The following NSD1 variants were observed in gnomAD, a reference collection of about 807,000 sequenced individuals.
NSD1 encodes nuclear receptor binding SET domain protein 1.
A neutral mutation model predicts 242.7 loss-of-function variants in NSD1; 26 were observed. The ratio of observed to expected loss-of-function variants is 0.11; its 90% confidence interval spans 0.08 to 0.15. The LOEUF is 0.15. Among genes scored for constraint, NSD1 ranks in the 10% least tolerant of loss-of-function variants. The probability of loss-of-function intolerance (pLI) is 1.00; values close to 1 mark genes in which losing one functional copy is unlikely to be tolerated. For synonymous variants in NSD1, 1,106 were observed against 1,178.1 expected (o/e 0.94, Z 1.25); for missense variants, 2,495 against 3,272.8 (o/e 0.76, Z 5.80).
intron 13 of NSD1, 83 bp from the exon 14 acceptor site, chr5:177,259,906 C>A: frequency 6.7e-7 from 1 of 1,486,594 alleles, no homozygotes; most frequent in Non-Finnish European, 9.3e-7. Flanking sequence ...TCAGTGCTAA[C>A]AAATAGACTT....
In NSD1 at chr5:177,292,021, C is replaced by T; in HGVS notation, c.6326C>T (p.Thr2109Ile). Reference protein sequence around the residue: ...FKKKQQGKRRTQGEITKERED... With the variant: ...FKKKQQGKRRIQGEITKERED... ...AAGAAGCAACAGGGAAAGCGCAGGA[C>T]CCAGGGTGAAATCACAAAGGAGCGA... The change falls in exon 22 of 23, where the codon ACC becomes ATC. Residue 2109 changes from threonine (T) to isoleucine (I), a missense_variant. Physicochemically the swap from Thr to Ile is moderately conservative, Grantham distance 89 (BLOSUM62 -1). This residue lies in a region of NSD1 where 27 missense variants were observed against 33.4 expected (regional missense o/e 0.81). Coordinates refer to ENST00000439151, the MANE Select transcript of NSD1 (RefSeq NM_022455.5). 6.2e-7 allele frequency: 1 copy of T among 1,614,076 alleles called. No homozygotes were observed. Among genetic ancestry groups the T allele is most frequent in the Non-Finnish European group, 8.5e-7 (1 of 1,180,000 alleles).
intron 2 of NSD1, among the ~76,000 whole-genome samples, chr5:177,171,016 T>C (rs2149797883): frequency 6.7e-6 from 1 of 149,438 alleles, no homozygotes; most frequent in South Asian, 2.1e-4. Context: ...ATTTACCATG[T>C]TAAAAAAAAA....
chr5:177,174,398 A>G (rs949047738), intron 2 of NSD1, among the ~76,000 whole-genome samples: 3 of 152,048 alleles, frequency 2.0e-5, no homozygotes, highest in African/African-American at 7.2e-5. Flanking sequence ...GTTTTAGTAG[A>G]GACAGGGCTT....
At chr5:177,172,619 A>G (rs950106009) in intron 2 of NSD1, among the ~76,000 whole-genome samples, 1 of 152,208 alleles carries the variant, frequency 6.6e-6, no homozygotes, top group African/African-American at 2.4e-5. Flanking sequence ...CCAGTGAGCC[A>G]ACAATAGTTT....
intron 11 of NSD1, 44 bp from the exon 12 acceptor site, chr5:177,251,686 C>A (rs764602590): frequency 1.2e-6 from 2 of 1,609,578 alleles, no homozygotes; most frequent in Non-Finnish European, 1.7e-6. Context: ...ACTCTTGATT[C>A]TCAAACATGG....
intron 11 of NSD1, among the ~76,000 whole-genome samples, chr5:177,248,734 A>G (rs915374992): frequency 1.3e-5 from 2 of 152,152 alleles, no homozygotes; most frequent in Admixed American, 6.6e-5. Flanking sequence ...CCTACCACCT[A>G]TATTGTTTTA....
intron 5 of NSD1, among the ~76,000 whole-genome samples, chr5:177,216,711 G>A (rs549962153): frequency 1.4e-5 from 2 of 147,694 alleles, no homozygotes; most frequent in African/African-American, 5.0e-5. Flanking sequence ...AAATTGAGAC[G>A]GGGTCCAACC....
chr5:177,140,990 C>T (rs187201998), intron 2 of NSD1, among the ~76,000 whole-genome samples: 6 of 152,170 alleles, frequency 3.9e-5, no homozygotes, highest in Admixed American at 6.5e-5. Flanking sequence ...GCTCTCTCTC[C>T]GATTCCCTCC....
At chr5:177,232,931 A>C (rs1342559464) in intron 5 of NSD1, among the ~76,000 whole-genome samples, 1 of 152,208 alleles carries the variant, frequency 6.6e-6, no homozygotes. Flanking sequence ...ATGTATGATG[A>C]GACAGGCCCT....
intron 5 of NSD1, 79 bp downstream of exon 5, chr5:177,212,274 T>C: frequency 7.0e-7 from 1 of 1,426,246 alleles, no homozygotes; most frequent in Non-Finnish European, 9.6e-7. Context: ...AATTGGTCTG[T>C]TGTAATGGTA....
intron 3 of NSD1, among the ~76,000 whole-genome samples, chr5:177,196,064 A>G (rs988179741): frequency 6.6e-6 from 1 of 152,204 alleles, no homozygotes; most frequent in African/African-American, 2.4e-5. Context: ...GTGTTTGCTA[A>G]TAAAGTTATC....
intron 2 of NSD1, among the ~76,000 whole-genome samples, chr5:177,189,687 T>C (rs2149818131): frequency 6.6e-6 from 1 of 152,316 alleles, no homozygotes; most frequent in Middle Eastern, 3.4e-3. Context: ...GCCTTGCATG[T>C]AGCAAACATC....
In NSD1 at chr5:177,204,393, T is replaced by G. The variant is rs150135318; in HGVS notation, c.1236+101T>G. On this transcript the variant is annotated intron_variant, in intron 4 of 22. Transcript: ENST00000439151. The stretch of plus-strand genomic sequence containing the variant: ...TTTCGAGACAGAACTTTGCTCTGTT[T>G]CCCAGATTGGAGTACAGTGGTGCAA... 7.0e-4 allele frequency: 796 copies of G among 1,143,916 alleles called. 2 individuals carry two copies. In the African/African-American group the frequency reaches 0.011, roughly 15 times the overall value. 70.9% of individuals were successfully genotyped at this position (1,143,916 alleles called of 1,614,324 possible).
chr5:177,274,849 G>T (rs148929325), intron 17 of NSD1, among the ~76,000 whole-genome samples: 7,397 of 151,696 alleles, frequency 0.049, 198 homozygotes, highest in South Asian at 0.082. Flanking sequence ...GTCTTCTGCC[G>T]CAGCCTCCCG....
chr5:177,270,594 G>A (rs1757869626), intron 16 of NSD1, among the ~76,000 whole-genome samples: 1 of 152,196 alleles, frequency 6.6e-6, no homozygotes, highest in South Asian at 2.1e-4. Context: ...GCTTTATGAT[G>A]ATGCACTTCC....
At chr5:177,287,744 T>C (rs991792963) in intron 20 of NSD1, among the ~76,000 whole-genome samples, 7 of 152,234 alleles carry the variant, frequency 4.6e-5, no homozygotes, top group Non-Finnish European at 7.3e-5. Flanking sequence ...CCCGTTAACA[T>C]TGGTGAGTCT....
chr5:177,250,806 A>G (rs1755883425), intron 11 of NSD1, among the ~76,000 whole-genome samples: 1 of 152,136 alleles, frequency 6.6e-6, no homozygotes, highest in Non-Finnish European at 1.5e-5. Context: ...TTCTTAAGTG[A>G]TCAAGACCTA....
rs1758813450 is a variant in NSD1 at position 177,280,845 on chromosome 5, G to A, written c.5892+11G>A. 1.9e-6 allele frequency: 3 copies of A among 1,614,014 alleles called. No homozygotes were observed. Among genetic ancestry groups the A allele is most frequent in the South Asian group, 1.1e-5 (1 of 91,004 alleles). On this transcript the variant is annotated intron_variant, in intron 18 of 22. Transcript: ENST00000439151. ...ACAGATATTAAAAAGGTTAGAAAAAGCTAAATTACCATATACTTTCTCCTC... is the reference window on the plus strand; with the variant it reads ...ACAGATATTAAAAAGGTTAGAAAAAACTAAATTACCATATACTTTCTCCTC...
intron 3 of NSD1, among the ~76,000 whole-genome samples, chr5:177,195,333 T>C (rs1288081183): frequency 1.3e-5 from 2 of 152,082 alleles, no homozygotes; most frequent in Non-Finnish European, 2.9e-5. Flanking sequence ...TCAAAAAAAA[T>C]GTTGATACCT....
Sources: allele counts gnomAD v4.1 joint callset (sites outside exome capture counted in the v4.1 genomes callset), GRCh38; gene constraint gnomAD v4.1.1; regional missense constraint gnomAD v4.1.1; transcripts MANE v1.5; gene names NCBI Gene and HGNC (gene_info 2026-07-23, HGNC 2026-07-21).